The following PSMA2 variants were observed in gnomAD, a reference collection of about 807,000 sequenced individuals.
The protein encoded by PSMA2 is proteasome 20S subunit alpha 2, also known as proteasome subunit alpha type-2.
A neutral mutation model predicts 35.9 loss-of-function variants in PSMA2; 2 were observed. The observed-to-expected ratio is 0.06, with a 90% CI of 0.02 to 0.18. The LOEUF is 0.18. Among genes scored for constraint, PSMA2 ranks in the 10% least tolerant of loss-of-function variants. The pLI is 1.00. For missense variants in PSMA2, 126 were observed against 278.8 expected, an observed-to-expected ratio of 0.45 and a Z score of 3.90; for synonymous variants, 97 against 98.2, an observed-to-expected ratio of 0.99 and a Z score of 0.07.
Position 42,926,676 on chromosome 7 carries a change from A to C in PSMA2, c.119-8T>G. On this transcript the variant is annotated splice_polypyrimidine_tract_variant and splice_region_variant and intron_variant, in intron 2 of 7. Transcript: ENST00000223321. ...ATACCACACCATTTGCAGCTTAAAA[A>C]AAAAGAGAGAGACATAAATGTTTAA... is the stretch of plus-strand genomic sequence containing the variant. 2 of 1,588,292 alleles carry C rather than the reference A, an allele frequency of 1.3e-6. No homozygotes were observed. The highest frequency in any genetic ancestry group is 1.7e-6 in the Non-Finnish European group (2 of 1,172,262).
In PSMA2 at chr7:42,917,994, TA is replaced by T. The variant is rs567980685; in HGVS notation, c.531-160del. 8 of 503,014 alleles carry T rather than the reference TA, an allele frequency of 1.6e-5. No individual in the cohort carries two copies. The South Asian group carries it at 2.8e-4, about 17-fold the overall frequency. 31.2% of individuals were successfully genotyped at this position (503,014 alleles called of 1,614,324 possible). On this transcript the variant is annotated intron_variant, in intron 6 of 7. Transcript: ENST00000223321. ...CACCTCCTTGTAGCTGTCTCCAGAT[TA>T]AAAAAACTGACAATATCTGGTGCTC...
intron 6 of PSMA2, chr7:42,921,355 G>C (rs559171105): frequency 6.6e-6 from 1 of 152,414 alleles, no homozygotes; most frequent in South Asian, 2.1e-4. Context: ...AATACAGCTG[G>C]AAATAAGTAA....
chr7:42,931,075 A>G, intron 1 of PSMA2: 1 of 373,474 alleles, frequency 2.7e-6, no homozygotes, highest in African/African-American at 2.2e-5. Context: ...ACCCAGTTTG[A>G]ATGTCAACTC....
At chr7:42,925,605 G>A (rs1786200017) in intron 3 of PSMA2, among the ~76,000 whole-genome samples, 1 of 152,114 alleles carries the variant, frequency 6.6e-6, no homozygotes, top group Admixed American at 6.5e-5. Context: ...TTTTTCAGAA[G>A]TAAAATTTGT....
intron 4 of PSMA2, among the ~76,000 whole-genome samples, chr7:42,923,750 T>G (rs567273470): frequency 6.6e-6 from 1 of 152,338 alleles, no homozygotes; most frequent in South Asian, 2.1e-4. Flanking sequence ...ATGACAACTT[T>G]CAGTTAATGC....
intron 2 of PSMA2, among the ~76,000 whole-genome samples, 186 bp downstream of exon 2, chr7:42,927,197 T>C (rs971558228): frequency 4.6e-5 from 7 of 152,222 alleles, no homozygotes; most frequent in Non-Finnish European, 1.0e-4. Flanking sequence ...GTGTTACTAT[T>C]TACTTTGAAA....
Position 42,926,687 on chromosome 7 carries a change from G to C in PSMA2, c.119-19C>G, listed in dbSNP as rs777688862. ...TTTGCAGCTTAAAAAAAAAGAGAGA[G>C]ACATAAATGTTTAATCATTTTTAAG... On this transcript the variant is annotated intron_variant, in intron 2 of 7. Coordinates refer to ENST00000223321, the MANE Select transcript of PSMA2 (RefSeq NM_002787.5). 6.3e-6 allele frequency: 10 copies of C among 1,581,572 alleles called. No homozygotes were observed. Among genetic ancestry groups the C allele is most frequent in the South Asian group, 1.2e-5 (1 of 85,318 alleles).
chr7:42,920,341 G>T, intron 6 of PSMA2: 1 of 159,524 alleles, frequency 6.3e-6, no homozygotes, highest in Non-Finnish European at 1.4e-5. Flanking sequence ...TAATGAATAT[G>T]TACAAGATAA....
intron 1 of PSMA2, among the ~76,000 whole-genome samples, chr7:42,928,589 A>T (rs1237106997): frequency 2.0e-5 from 3 of 152,234 alleles, no homozygotes; most frequent in Admixed American, 2.0e-4. Context: ...ATCATAAACC[A>T]ACCTAATTTC....
chr7:42,928,563 T>A (rs1234728968), intron 1 of PSMA2, among the ~76,000 whole-genome samples: 1 of 152,250 alleles, frequency 6.6e-6, no homozygotes, highest in Non-Finnish European at 1.5e-5. Flanking sequence ...TTCAACCTAG[T>A]TGTTTAAATG....
At chr7:42,919,329 A>G in intron 6 of PSMA2, 1 of 583,500 alleles carries the variant, frequency 1.7e-6, no homozygotes. Flanking sequence ...TGAACTGATG[A>G]CCCTGGCTCA....
rs1297702937 is a variant in PSMA2, at chr7:42,921,896, T to C, written c.492A>G (p.Gly164=). 1 of 1,611,944 alleles carries C rather than the reference T, an allele frequency of 6.2e-7. No individual in the cohort carries two copies. Among genetic ancestry groups the C allele is most frequent in the Admixed American group, 1.7e-5 (1 of 59,962 alleles). ...AAGTCTTCCCATTCACATAGTTCTT[T>C]CCCATTGCTGTAGCTTTCCAGGCAA... The part of the protein sequence containing the change: ...AYFAWKATAM[G]KNYVNGKTFL... The change falls in exon 6 of 8, where the codon GGA becomes GGG. Residue 164 remains glycine, a synonymous_variant. Coordinates refer to ENST00000223321, the MANE Select transcript of PSMA2 (RefSeq NM_002787.5).
At chr7:42,919,367 C>T in intron 6 of PSMA2, 1 of 573,568 alleles carries the variant, frequency 1.7e-6, no homozygotes, top group Non-Finnish European at 3.5e-6. Context: ...CTATGGATTT[C>T]ATGCAGGATA....
intron 3 of PSMA2, among the ~76,000 whole-genome samples, chr7:42,925,565 T>C (rs1786199103): frequency 6.6e-6 from 1 of 152,202 alleles, no homozygotes. Context: ...ATAAAAGCAA[T>C]ACCCAGCATG....
At chr7:42,923,859 A>T (rs1786164173) in intron 4 of PSMA2, among the ~76,000 whole-genome samples, 1 of 152,078 alleles carries the variant, frequency 6.6e-6, no homozygotes, top group Non-Finnish European at 1.5e-5. Context: ...TTTTCAGTTA[A>T]TGCAGCTTTT....
intron 5 of PSMA2, 79 bp from the exon 6 acceptor site, chr7:42,922,010 CT>C (rs1477195609): frequency 4.5e-6 from 5 of 1,107,802 alleles, no homozygotes; most frequent in Non-Finnish European, 6.6e-6. Context: ...TAATTTTTAG[CT>C]TTATTAATTG....
intron 1 of PSMA2, among the ~76,000 whole-genome samples, chr7:42,929,146 C>A (rs941789336): frequency 6.6e-6 from 1 of 152,084 alleles, no homozygotes; most frequent in African/African-American, 2.4e-5. Flanking sequence ...TAACCTAATA[C>A]CAGGAATCCA....
In PSMA2 at chr7:42,930,148, G is replaced by A. The variant is rs117714805; in HGVS notation, c.41+1970C>T. ...CCACCATTAGTTTACTTCTGATTATGAGAGGCTAGAAACAAATATTTTCTT... is the reference window on the plus strand; with the variant it reads ...CCACCATTAGTTTACTTCTGATTATAAGAGGCTAGAAACAAATATTTTCTT... On this transcript the variant is annotated intron_variant, in intron 1 of 7. Transcript: ENST00000223321. Among the ~76,000 whole-genome samples, 709 of 152,032 alleles carry A rather than the reference G, an allele frequency of 4.7e-3. 5 individuals carry two copies. The highest frequency in any genetic ancestry group is 7.2e-3 in the Non-Finnish European group (492 of 67,988).
chr7:42,932,162 T>C lies in PSMA2; in HGVS notation c.-4A>G, dbSNP rs375975559. On this transcript the variant is annotated 5_prime_UTR_variant, in exon 1 of 8. Coordinates refer to ENST00000223321, the MANE Select transcript of PSMA2 (RefSeq NM_002787.5). ...AGCTGTACCCGCGCTCCGCCATCTT[T>C]ACCCGAAGAGCCAAAGCACAGCCGC... 3.1e-6 allele frequency: 5 copies of C among 1,614,032 alleles called. No individual in the cohort carries two copies. Among genetic ancestry groups the C allele is most frequent in the African/African-American group, 2.7e-5 (2 of 74,944 alleles).
Sources: allele counts gnomAD v4.1 joint callset (sites outside exome capture counted in the v4.1 genomes callset), GRCh38; gene constraint gnomAD v4.1.1; transcripts MANE v1.5; gene names NCBI Gene and HGNC (gene_info 2026-07-23, HGNC 2026-07-21).